Variants in C19orf44 observed in about 807,000 individuals in gnomAD.
C19orf44 encodes the protein uncharacterized protein C19orf44.
In C19orf44, 43 loss-of-function variants were observed where a neutral mutation model predicts 50.7. The observed-to-expected ratio is 0.85, with a 90% CI of 0.66 to 1.09. The LOEUF is 1.09. Among genes scored for constraint, C19orf44 ranks in the 50% least tolerant of loss-of-function variants. C19orf44 has a pLI of 0.00. For missense variants in C19orf44, 722 were observed against 836.2 expected (o/e 0.86, Z 1.68); for synonymous variants, 298 against 334.7 (o/e 0.89, Z 1.20).
chr19:16,520,566 C>A lies in C19orf44; in HGVS notation c.*513C>A. On this transcript the variant is annotated 3_prime_UTR_variant, in exon 9 of 9. Transcript: ENST00000221671. This position sits in a 1 kb window ranked among gnomAD's most constrained non-coding sequence, Gnocchi z 4.0. ...GTGGATGGGCTGCACCCAGCCCACC[C>A]TGGCCCTCAGGTTCCTAGACCACCC... 6.4e-7 allele frequency: 1 copy of A among 1,566,886 alleles called. No individual in the cohort carries two copies. The highest frequency in any genetic ancestry group is 1.2e-5 in the South Asian group (1 of 83,270).
At position 16,501,209 on chromosome 19, in the gene C19orf44, A is replaced by T; in HGVS notation, c.417A>T (p.Ala139=). ...KRADRILSGG[A]LELASQNTDK... ...CTGACAGAATCCTCTCTGGGGGTGC[A>T]CTCGAACTCGCGTCCCAGAACACAG... Residue 139 remains alanine, a synonymous_variant, in exon 2 of 9, where the codon GCA becomes GCT. Transcript: ENST00000221671. The T allele has an allele frequency of 6.2e-7, 1 of 1,614,090 alleles. No homozygotes were observed. Among genetic ancestry groups the T allele is most frequent in the East Asian group, 2.2e-5 (1 of 44,884 alleles).
At chr19:16,501,597 T>G (rs2093425765) in intron 2 of C19orf44, 46 bp downstream of exon 2, 3 of 1,246,638 alleles carry the variant, frequency 2.4e-6, no homozygotes, top group African/African-American at 1.6e-5. Context: ...TTATTTAATT[T>G]AATTTTTTTT....
chr19:16,501,549 T>A lies in C19orf44; in HGVS notation c.757T>A (p.Ser253Thr). Residue 253 changes from serine to threonine, a missense_variant and splice_region_variant, in exon 2 of 9, where the codon TCG becomes ACG. Physicochemically the swap from Ser to Thr is moderately conservative, Grantham distance 58 (BLOSUM62 1). Transcript: ENST00000221671. ...VSEEEERKLF[S>T]VPSQLRAFTV... ...CGAGGAAGAAGAAAGAAAACTATTTTCGGTGAGATTTTTTTTTTTTGGTAA... is the reference window on the plus strand; with the variant it reads ...CGAGGAAGAAGAAAGAAAACTATTTACGGTGAGATTTTTTTTTTTTGGTAA... 1 of 1,384,654 alleles carries A rather than the reference T, an allele frequency of 7.2e-7. No individual in the cohort carries two copies. Among genetic ancestry groups the A allele is most frequent in the Non-Finnish European group, 9.4e-7 (1 of 1,065,736 alleles). The allele number at this position is 1,384,654 out of a possible 1,614,324, so 85.8% of individuals were successfully genotyped here.
In C19orf44 at chr19:16,497,512, C is replaced by T. The variant is rs537269829; in HGVS notation, c.-2+1047C>T. On this transcript the variant is annotated intron_variant, in intron 1 of 8. Coordinates refer to ENST00000221671, the MANE Select transcript of C19orf44 (RefSeq NM_032207.4). Reference sequence around the variant, plus strand: ...ATTACAGGCGCATGACACCACGCCCCGCTAATTTTTGTATTGTTAGTAGAG... The same window carrying T: ...ATTACAGGCGCATGACACCACGCCCTGCTAATTTTTGTATTGTTAGTAGAG... 4.5e-3 allele frequency among the ~76,000 whole-genome samples: 684 copies of T among 151,638 alleles called. 4 individuals are homozygous for T. Among genetic ancestry groups the T allele is most frequent in the African/African-American group, 0.015 (631 of 41,364 alleles).
intron 6 of C19orf44, 41 bp from the exon 7 acceptor site, chr19:16,514,456 G>C: frequency 1.9e-6 from 3 of 1,538,788 alleles, no homozygotes; most frequent in Non-Finnish European, 2.6e-6. Flanking sequence ...AGAATTTGTG[G>C]GGCCCCAGCG....
At chr19:16,501,912 ATT>A (rs35232665) in intron 2 of C19orf44, among the ~76,000 whole-genome samples, 7 of 116,276 alleles carry the variant, frequency 6.0e-5, no homozygotes, top group Non-Finnish European at 5.6e-5. Context: ...ACTTTTTTGT[ATT>A]TTTTTTTTTT....
Position 16,519,340 on chromosome 19 carries a change from G to A in C19orf44, c.*41-754G>A, listed in dbSNP as rs920717416. On this transcript the variant is annotated intron_variant, in intron 8 of 8. Transcript: ENST00000221671. This position sits in a 1 kb window ranked among gnomAD's most constrained non-coding sequence, Gnocchi z 6.0. ...TTGCTCCTTCGCACCGAGGCCGCCT[G>A]AGCCGCTCCAGCCTGGAAACAGAGA... 2 of 1,612,034 alleles carry A rather than the reference G, an allele frequency of 1.2e-6. No homozygotes were observed. The highest frequency in any genetic ancestry group is 1.3e-5 in the African/African-American group (1 of 75,000).
chr19:16,508,737 T>C (rs2093447541), intron 4 of C19orf44, among the ~76,000 whole-genome samples: 1 of 152,146 alleles, frequency 6.6e-6, no homozygotes, highest in Non-Finnish European at 1.5e-5. Flanking sequence ...GGTAGGGTCT[T>C]GCTATGTCTC....
chr19:16,501,282 A>G lies in C19orf44; in HGVS notation c.490A>G (p.Asn164Asp). 3 of 1,614,180 alleles carry G rather than the reference A, an allele frequency of 1.9e-6. No homozygotes were observed. The highest frequency in any genetic ancestry group is 1.6e-4 in the Middle Eastern group (1 of 6,062). The change falls in exon 2 of 9, where the codon AAT becomes GAT. Residue 164 changes from asparagine to aspartate, a missense_variant. By Grantham distance (23) the Asn-to-Asp change is conservative. Coordinates refer to ENST00000221671, the MANE Select transcript of C19orf44 (RefSeq NM_032207.4). ...CCGTGAACTTCCTGTCACCGAAAAT[A>G]ATGCACAGAACGCGAAGGTCAGTAG... ...QARELPVTEN[N>D]AQNAKVSRFL...
intron 6 of C19orf44, among the ~76,000 whole-genome samples, 164 bp downstream of exon 6, chr19:16,513,273 AAAGG>A (rs1435518608): frequency 6.6e-6 from 1 of 152,164 alleles, no homozygotes; most frequent in East Asian, 1.9e-4. Context: ...TGAGGAGAGA[AAAGG>A]TGTGGATGCC....
rs763429640 is a variant in C19orf44 at position 16,520,100 on chromosome 19, AC to A, written c.*49del. Reference sequence around the variant, plus strand: ...AATGTTTCCACATTCACAGCAAAGCACCGCAGCTTCCCAGAGTTACCAGCGC... The same window carrying A: ...AATGTTTCCACATTCACAGCAAAGCACGCAGCTTCCCAGAGTTACCAGCGC... On this transcript the variant is annotated 3_prime_UTR_variant, in exon 9 of 9. Coordinates refer to ENST00000221671, the MANE Select transcript of C19orf44 (RefSeq NM_032207.4). The surrounding 1 kb of genome is among the most constrained non-coding windows in gnomAD (Gnocchi z 4.0). The A allele has an allele frequency of 3.3e-5, 52 of 1,566,790 alleles. No individual in the cohort carries two copies. In the African/African-American group the frequency reaches 6.5e-4, roughly 20 times the overall value.
intron 7 of C19orf44, among the ~76,000 whole-genome samples, chr19:16,516,596 G>A (rs549970379): frequency 1.3e-5 from 2 of 152,310 alleles, no homozygotes; most frequent in South Asian, 4.1e-4. Flanking sequence ...AGCAGCGACC[G>A]GTTCTCAATG....
chr19:16,507,330 C>A (rs1050842147), intron 4 of C19orf44, among the ~76,000 whole-genome samples: 3 of 152,072 alleles, frequency 2.0e-5, no homozygotes, highest in Non-Finnish European at 4.4e-5. Context: ...GGAGGCAACA[C>A]TTCACCAGCC....
chr19:16,519,737 CTTT>C lies in C19orf44; in HGVS notation c.*41-354_*41-352del. 6.9e-6 allele frequency: 11 copies of C among 1,586,924 alleles called. No homozygotes were observed. Among genetic ancestry groups the C allele is most frequent in the Non-Finnish European group, 9.5e-6 (11 of 1,155,566 alleles). On this transcript the variant is annotated intron_variant, in intron 8 of 8. Transcript: ENST00000221671. The surrounding 1 kb of genome is among the most constrained non-coding windows in gnomAD (Gnocchi z 6.0). ...GGAACTAAAATCGAGACAGGTTATTCTTTTTAAGAAGTAACTGAGACATTTATT... is the reference window on the plus strand; with the variant it reads ...GGAACTAAAATCGAGACAGGTTATTCTTAAGAAGTAACTGAGACATTTATT...
chr19:16,500,730 C>A (rs2093422726), intron 1 of C19orf44, 62 bp from the exon 2 acceptor site: 6 of 1,452,798 alleles, frequency 4.1e-6, no homozygotes, highest in Non-Finnish European at 5.6e-6. Flanking sequence ...AAGTAGGAGC[C>A]ATTGAATGCT....
intron 7 of C19orf44, among the ~76,000 whole-genome samples, chr19:16,516,115 C>T (rs1345006660): frequency 1.3e-5 from 2 of 152,092 alleles, no homozygotes; most frequent in Non-Finnish European, 2.9e-5. Context: ...TTTTACATAA[C>T]AAATTTTTCA....
intron 1 of C19orf44, chr19:16,499,372 C>A (rs143312723): frequency 6.6e-6 from 1 of 151,472 alleles, no homozygotes; most frequent in Non-Finnish European, 1.5e-5. Context: ...CTGCAAGCTC[C>A]GCCTCCCGGG....
Position 16,521,107 on chromosome 19 carries a change from G to A in C19orf44, c.*1054G>A, listed in dbSNP as rs1190437874. The A allele has an allele frequency of 4.8e-6, 3 of 620,734 alleles. No individual in the cohort carries two copies. The highest frequency in any genetic ancestry group is 8.7e-6 in the Non-Finnish European group (3 of 344,430). 38.5% of individuals were successfully genotyped at this position (620,734 alleles called of 1,614,324 possible). On this transcript the variant is annotated 3_prime_UTR_variant, in exon 9 of 9. Transcript: ENST00000221671. ...CCTCCTGCAGCCCAGTGGCTCCTCTGGTGCCCACGCCCTTGCCACCCTGCT... is the reference window on the plus strand; with the variant it reads ...CCTCCTGCAGCCCAGTGGCTCCTCTAGTGCCCACGCCCTTGCCACCCTGCT...
At chr19:16,515,229 C>T (rs1283693083) in intron 7 of C19orf44, among the ~76,000 whole-genome samples, 5 of 152,102 alleles carry the variant, frequency 3.3e-5, no homozygotes, top group African/African-American at 7.2e-5. Flanking sequence ...AGGATGGTGA[C>T]GGGCGCCTGT....
Sources: allele counts gnomAD v4.1 joint callset (sites outside exome capture counted in the v4.1 genomes callset), GRCh38; gene constraint gnomAD v4.1.1; non-coding constraint Gnocchi (gnomAD v3.1); transcripts MANE v1.5; gene names NCBI Gene and HGNC (gene_info 2026-07-23, HGNC 2026-07-21).